Variants in MEGF11 observed in about 807,000 individuals in gnomAD.
MEGF11 encodes the protein multiple EGF like domains 11.
Under a neutral mutation model 146.6 loss-of-function variants are expected in MEGF11, and 126 were observed. That is an observed-to-expected ratio of 0.86 (90% CI 0.74 to 1.00). MEGF11 has a LOEUF of 1.00. Ranked by LOEUF, MEGF11 falls within the 50% of genes least tolerant of loss-of-function variation. MEGF11 has a pLI of 0.00. For missense variants in MEGF11, 1,509 were observed against 1,521.2 expected (o/e 0.99, Z 0.13); for synonymous variants, 532 against 583.4 (o/e 0.91, Z 1.27).
chr15:66,209,349 T>TAA (rs751648172), intron 1 of MEGF11, among the ~76,000 whole-genome samples: 2 of 138,534 alleles, frequency 1.4e-5, no homozygotes, highest in Non-Finnish European at 1.6e-5. Flanking sequence ...GACTCCATCT[T>TAA]AAAAAAAAAA....
At chr15:66,201,404 G>A (rs1220512103) in intron 1 of MEGF11, among the ~76,000 whole-genome samples, 2 of 152,268 alleles carry the variant, frequency 1.3e-5, no homozygotes, top group East Asian at 3.9e-4. Context: ...TTGGGGTAGG[G>A]AGGGATTGAC....
rs774217396 is a variant in MEGF11 at position 65,970,524 on chromosome 15, G to A, written c.899+29C>T. The A allele has an allele frequency of 8.7e-6, 14 of 1,604,548 alleles. No homozygotes were observed. The African/African-American group carries it at 1.2e-4, about 14-fold the overall frequency. On this transcript the variant is annotated intron_variant, in intron 8 of 25. Coordinates refer to ENST00000395614, the MANE Select transcript of MEGF11 (RefSeq NM_001385028.1). ...CCTATGAATATGAGTAAAATGGACA[G>A]CAAAGATAACAGTTAACACTATCCT... is the stretch of plus-strand genomic sequence containing the variant.
At chr15:66,118,849 C>T (rs529353856) in intron 4 of MEGF11, among the ~76,000 whole-genome samples, 25 of 152,342 alleles carry the variant, frequency 1.6e-4, no homozygotes, top group South Asian at 8.3e-4. Flanking sequence ...CTTGAACTCA[C>T]GCACTTCCAT....
intron 1 of MEGF11, among the ~76,000 whole-genome samples, chr15:66,202,624 G>C (rs1166811387): frequency 6.6e-6 from 1 of 152,206 alleles, no homozygotes; most frequent in Non-Finnish European, 1.5e-5. Flanking sequence ...CTGAGCAACA[G>C]CTCCCTGATC....
At chr15:65,929,360 C>T (rs534463545) in intron 12 of MEGF11, among the ~76,000 whole-genome samples, 1 of 152,318 alleles carries the variant, frequency 6.6e-6, no homozygotes, top group East Asian at 1.9e-4. Flanking sequence ...TATCTACCAA[C>T]GAATGGCAAC....
rs1443557146 is a variant in MEGF11 at position 65,980,802 on chromosome 15, C to A, written c.738G>T (p.Glu246Asp). ...NGGTCHHITGECACPPGWTGA... is the reference protein window; with the variant it reads ...NGGTCHHITGDCACPPGWTGA... ...CCGTCCAGCCTGGGGGGCAGGCACA[C>A]TCGCCAGTGATGTGGTGGCAGGTGC... Residue 246 changes from glutamate (E) to aspartate (D), a missense_variant, in exon 7 of 26, where the codon GAG (glutamate) becomes GAT (aspartate). Coordinates refer to ENST00000395614, the MANE Select transcript of MEGF11 (RefSeq NM_001385028.1). The A allele has an allele frequency of 6.2e-7, 1 of 1,607,172 alleles. No individual in the cohort carries two copies. Among genetic ancestry groups the A allele is most frequent in the East Asian group, 2.2e-5 (1 of 44,690 alleles).
intron 1 of MEGF11, among the ~76,000 whole-genome samples, chr15:66,246,304 T>A (rs568431321): frequency 7.0e-4 from 107 of 152,090 alleles, no homozygotes; most frequent in African/African-American, 2.5e-3. Flanking sequence ...AGTCGATGCT[T>A]GAGTATTGCA....
chr15:66,034,645 C>G (rs56267112), intron 5 of MEGF11, among the ~76,000 whole-genome samples: 4,752 of 152,218 alleles, frequency 0.031, 109 homozygotes, highest in Middle Eastern at 0.058. Flanking sequence ...GTCTCGAACT[C>G]CTGAACTCAA....
At chr15:65,989,916 G>A (rs1048942372) in intron 5 of MEGF11, among the ~76,000 whole-genome samples, 2 of 152,242 alleles carry the variant, frequency 1.3e-5, no homozygotes, top group African/African-American at 4.8e-5. Context: ...TATCCTGGCT[G>A]TGTGCAATGG....
chr15:66,139,627 G>A (rs1288502505), intron 1 of MEGF11, among the ~76,000 whole-genome samples: 2 of 151,996 alleles, frequency 1.3e-5, no homozygotes, highest in African/African-American at 2.4e-5. Context: ...AAAAAAAATG[G>A]GAGGGAGAAA....
intron 5 of MEGF11, among the ~76,000 whole-genome samples, chr15:66,085,512 C>A (rs1384642160): frequency 6.6e-6 from 1 of 152,238 alleles, no homozygotes; most frequent in Admixed American, 6.5e-5. Flanking sequence ...TCTGTGCAGA[C>A]AACCCCCAGT....
At position 66,047,517 on chromosome 15, in the gene MEGF11, C is replaced by G. The variant is rs146217773; in HGVS notation, c.394+46885G>C. ...CCTACAGCACTGGGAATAATAAACA[C>G]GAACTCCCCAGTCTTTATGATGGCC... is the stretch of plus-strand genomic sequence containing the variant. On this transcript the variant is annotated intron_variant, in intron 5 of 25. Transcript: ENST00000395614. 1.1e-4 allele frequency among the ~76,000 whole-genome samples: 17 copies of G among 152,312 alleles called. No homozygotes were observed. The East Asian group carries it at 3.3e-3, about 29-fold the overall frequency.
intron 1 of MEGF11, among the ~76,000 whole-genome samples, chr15:66,190,893 A>G (rs2090851457): frequency 6.6e-6 from 1 of 152,222 alleles, no homozygotes; most frequent in South Asian, 2.1e-4. Flanking sequence ...AACTCCAAGC[A>G]GGTGAGATAA....
chr15:65,929,585 CTG>C, intron 12 of MEGF11, 133 bp downstream of exon 12: 1 of 1,090,528 alleles, frequency 9.2e-7, no homozygotes, highest in Non-Finnish European at 1.3e-6. Flanking sequence ...AGGACTAGGA[CTG>C]TGACCTAAAT....
intron 1 of MEGF11, among the ~76,000 whole-genome samples, chr15:66,193,250 A>G (rs941059681): frequency 6.6e-6 from 1 of 152,168 alleles, no homozygotes; most frequent in Non-Finnish European, 1.5e-5. Context: ...CTCCCTCTAG[A>G]TGTCTGGGCT....
chr15:66,116,784 G>T (rs941599785), intron 4 of MEGF11, among the ~76,000 whole-genome samples: 7 of 152,156 alleles, frequency 4.6e-5, no homozygotes, highest in Admixed American at 3.3e-4. Context: ...ATGGAGGAGG[G>T]AACTGACATT....
chr15:66,042,804 G>A (rs566645324), intron 5 of MEGF11, among the ~76,000 whole-genome samples: 3 of 152,150 alleles, frequency 2.0e-5, no homozygotes, highest in African/African-American at 7.2e-5. Context: ...GTCTTTACAC[G>A]GCCTAGGACT....
At chr15:65,955,793 T>TATATATATATACAC (rs1555455862) in intron 10 of MEGF11, among the ~76,000 whole-genome samples, 1 of 6,780 alleles carries the variant, frequency 1.5e-4, no homozygotes, top group Non-Finnish European at 3.9e-4. Flanking sequence ...TATATATATA[T>TATATATATATACAC]ACACACACAC....
At chr15:66,214,968 T>G (rs1328706468) in intron 1 of MEGF11, among the ~76,000 whole-genome samples, 1 of 152,096 alleles carries the variant, frequency 6.6e-6, no homozygotes, top group Non-Finnish European at 1.5e-5. Flanking sequence ...TCAGCAATGG[T>G]CCTGCATGGC....
Sources: allele counts gnomAD v4.1 joint callset (sites outside exome capture counted in the v4.1 genomes callset), GRCh38; gene constraint gnomAD v4.1.1; transcripts MANE v1.5; gene names NCBI Gene and HGNC (gene_info 2026-07-23, HGNC 2026-07-21).